The following TUSC3 variants were observed in gnomAD, a reference collection of about 807,000 sequenced individuals.
The protein encoded by TUSC3 is tumor suppressor candidate 3, also known as dolichyl-diphosphooligosaccharide--protein glycosyltransferase subunit TUSC3.
TUSC3 carries 45 observed loss-of-function variants against 44.8 expected under a neutral mutation model. That is an observed-to-expected ratio of 1.00 (90% CI 0.79 to 1.29). TUSC3 has a LOEUF of 1.29. Ranked by LOEUF, TUSC3 falls within the 50% of genes most tolerant of loss-of-function variation. TUSC3 has a pLI of 0.00. For synonymous variants in TUSC3, 212 were observed against 152.9 expected (o/e 1.39, Z -2.85); for missense variants, 519 against 437.9 (o/e 1.19, Z -1.65).
chr8:15,683,541 G>A (rs1808507609), intron 6 of TUSC3, among the ~76,000 whole-genome samples: 1 of 151,916 alleles, frequency 6.6e-6, no homozygotes, highest in Non-Finnish European at 1.5e-5. Flanking sequence ...TCAAATTTTG[G>A]ATTGCTTTTC....
chr8:15,624,723 A>T (rs1193434511), intron 2 of TUSC3, among the ~76,000 whole-genome samples: 1 of 152,134 alleles, frequency 6.6e-6, no homozygotes, highest in East Asian at 1.9e-4. Context: ...CTTGGTTTTC[A>T]AATATTTTCT....
intron 9 of TUSC3, among the ~76,000 whole-genome samples, chr8:15,757,057 G>C (rs1362862): frequency 0.27 from 41,492 of 152,014 alleles, 6,436 homozygotes; most frequent in Admixed American, 0.39. Flanking sequence ...TATCACTCGA[G>C]CCCAGGAGTT....
At chr8:15,488,444 G>T (rs1445643335) in intron 2 of TUSC3, among the ~76,000 whole-genome samples, 1 of 152,126 alleles carries the variant, frequency 6.6e-6, no homozygotes, top group Non-Finnish European at 1.5e-5. Flanking sequence ...CAAGGCTGCA[G>T]TAAGCCATCA....
chr8:15,607,712 T>C (rs2129157406), intron 1 of TUSC3, among the ~76,000 whole-genome samples: 1 of 152,284 alleles, frequency 6.6e-6, no homozygotes, highest in Non-Finnish European at 1.5e-5. Context: ...TTAAATGCAT[T>C]TTAGAGTAAG....
At chr8:15,685,697 T>G (rs1341745838) in intron 6 of TUSC3, among the ~76,000 whole-genome samples, 3 of 152,254 alleles carry the variant, frequency 2.0e-5, no homozygotes, top group Non-Finnish European at 4.4e-5. Context: ...GGCGCATAGT[T>G]TGTGGCAGTC....
the TUSC3 span, among the ~76,000 whole-genome samples, chr8:15,807,728 T>A: frequency 6.6e-6 from 1 of 152,192 alleles, no homozygotes; most frequent in Non-Finnish European, 1.5e-5. Context: ...TGGATGCAGC[T>A]GGAGGCCATT....
At chr8:15,788,766 G>A in the TUSC3 span, among the ~76,000 whole-genome samples, 1 of 151,992 alleles carries the variant, frequency 6.6e-6, no homozygotes, top group Non-Finnish European at 1.5e-5. Context: ...CAGGAAACAG[G>A]GCTTAATGGC....
intron 6 of TUSC3, among the ~76,000 whole-genome samples, chr8:15,710,790 T>TTTAA (rs1563184535): frequency 1.3e-5 from 2 of 148,686 alleles, no homozygotes; most frequent in African/African-American, 4.9e-5. Flanking sequence ...TGAATATATA[T>TTTAA]ATTTATAAAT....
intron 2 of TUSC3, among the ~76,000 whole-genome samples, chr8:15,638,590 C>T (rs1053760922): frequency 4.7e-5 from 6 of 126,410 alleles, no homozygotes; most frequent in African/African-American, 1.8e-4. Flanking sequence ...GTGGCATGAT[C>T]TCTGCTCACT....
At chr8:15,542,035 G>GT (rs1314747889) in intron 1 of TUSC3, among the ~76,000 whole-genome samples, 14 of 151,680 alleles carry the variant, frequency 9.2e-5, no homozygotes, top group African/African-American at 3.1e-4. Context: ...GGATGCACTG[G>GT]TGACACAGCC....
At chr8:15,720,425 C>T (rs992633605) in intron 6 of TUSC3, among the ~76,000 whole-genome samples, 3 of 152,046 alleles carry the variant, frequency 2.0e-5, no homozygotes, top group African/African-American at 7.2e-5. Flanking sequence ...TGAAGGCCTG[C>T]AAAGCAAAGC....
the TUSC3 span, among the ~76,000 whole-genome samples, chr8:15,802,167 T>C: frequency 2.0e-5 from 3 of 152,190 alleles, no homozygotes; most frequent in Admixed American, 6.5e-5. Flanking sequence ...TGGAAGATGA[T>C]TCATTAAACA....
chr8:15,573,202 C>CTATATATATA (rs373565575), intron 1 of TUSC3, among the ~76,000 whole-genome samples: 133 of 74,120 alleles, frequency 1.8e-3, no homozygotes, highest in Admixed American at 2.4e-3. Flanking sequence ...CTCTCTCTCT[C>CTATATATATA]TATATATATA....
chr8:15,434,029 A>G (rs1197320532), intron 1 of TUSC3, among the ~76,000 whole-genome samples: 1 of 152,184 alleles, frequency 6.6e-6, no homozygotes, highest in Non-Finnish European at 1.5e-5. Context: ...TTCATGAGAA[A>G]CTAAACAGTT....
chr8:15,474,103 A>C (rs1490226401), intron 1 of TUSC3, among the ~76,000 whole-genome samples: 2 of 152,130 alleles, frequency 1.3e-5, no homozygotes, highest in African/African-American at 4.8e-5. Context: ...AGAATTTATC[A>C]ATATCTTCCC....
upstream of TUSC3, chr8:15,540,243 G>A (rs950673003): frequency 3.6e-6 from 3 of 821,936 alleles, no homozygotes; most frequent in Admixed American, 4.3e-5. Context: ...GTCTTCTCCC[G>A]GTGAACCGGA....
the TUSC3 span, among the ~76,000 whole-genome samples, chr8:15,787,001 A>G: frequency 6.8e-6 from 1 of 148,010 alleles, no homozygotes; most frequent in Non-Finnish European, 1.5e-5. Context: ...TGAAGGTAGT[A>G]GGGAAGTCAT....
the TUSC3 span, among the ~76,000 whole-genome samples, chr8:15,791,261 C>A: frequency 1.4e-5 from 2 of 144,540 alleles, no homozygotes; most frequent in African/African-American, 5.3e-5. Context: ...GGCAACCAGC[C>A]TCTTAGCGCC....
intron 2 of TUSC3, among the ~76,000 whole-genome samples, chr8:15,632,318 G>A (rs1227290312): frequency 1.3e-5 from 2 of 152,064 alleles, no homozygotes; most frequent in Non-Finnish European, 2.9e-5. Flanking sequence ...CCATGCTCTG[G>A]ATTTGTCTGA....
Sources: allele counts gnomAD v4.1 joint callset (sites outside exome capture counted in the v4.1 genomes callset), GRCh38; gene constraint gnomAD v4.1.1; transcripts MANE v1.5; gene names NCBI Gene and HGNC (gene_info 2026-07-23, HGNC 2026-07-21).